Variants in SHISA9 observed in about 807,000 individuals in gnomAD.
SHISA9 encodes protein shisa-9.
SHISA9 carries 13 observed loss-of-function variants against 38.0 expected under a neutral mutation model. That is an observed-to-expected ratio of 0.34 (90% CI 0.22 to 0.54). The LOEUF is 0.54. Ranked by LOEUF, SHISA9 falls within the 20% of genes least tolerant of loss-of-function variation. SHISA9 has a pLI of 0.91. For synonymous variants in SHISA9, 275 were observed against 242.0 expected (o/e 1.14, Z -1.27); for missense variants, 538 against 575.8 (o/e 0.93, Z 0.67).
chr16:13,384,565 A>G, the SHISA9 span, among the ~76,000 whole-genome samples: 3 of 152,190 alleles, frequency 2.0e-5, no homozygotes, highest in East Asian at 3.9e-4. Flanking sequence ...CCAGGAAGCA[A>G]TGGTACTCTG....
chr16:13,048,475 G>T (rs1367723179), intron 2 of SHISA9, among the ~76,000 whole-genome samples: 2 of 152,114 alleles, frequency 1.3e-5, no homozygotes, highest in Non-Finnish European at 2.9e-5. Context: ...AGGCTGGGGT[G>T]CAATGGCATG....
intron 2 of SHISA9, among the ~76,000 whole-genome samples, chr16:13,075,794 C>G (rs1218426449): frequency 2.0e-5 from 3 of 152,140 alleles, no homozygotes; most frequent in Non-Finnish European, 4.4e-5. Context: ...GCTGGTAAGA[C>G]AGAAGCAGGA....
At chr16:13,173,896 T>C (rs1253701698) in intron 2 of SHISA9, among the ~76,000 whole-genome samples, 2 of 152,102 alleles carry the variant, frequency 1.3e-5, no homozygotes, top group Admixed American at 6.6e-5. Flanking sequence ...CTGGAGGAGA[T>C]GATGGCTGAT....
intron 2 of SHISA9, among the ~76,000 whole-genome samples, chr16:13,044,304 G>T (rs894165945): frequency 6.6e-6 from 1 of 152,184 alleles, no homozygotes; most frequent in African/African-American, 2.4e-5. Context: ...ATTCCTCTGT[G>T]GTAGGAAGGA....
At chr16:13,150,319 C>T (rs1191792367) in intron 2 of SHISA9, among the ~76,000 whole-genome samples, 1 of 152,082 alleles carries the variant, frequency 6.6e-6, no homozygotes, top group Non-Finnish European at 1.5e-5. Context: ...AGCTCAAATG[C>T]CACTTGTCAT....
intron 2 of SHISA9, among the ~76,000 whole-genome samples, chr16:13,075,574 A>T (rs145226283): frequency 2.0e-5 from 3 of 152,250 alleles, no homozygotes; most frequent in Admixed American, 2.0e-4. Flanking sequence ...CTGAAAACTC[A>T]ACCTAAGGCT....
chr16:13,095,113 G>A (rs966421381), intron 2 of SHISA9, among the ~76,000 whole-genome samples: 2 of 152,244 alleles, frequency 1.3e-5, no homozygotes, highest in African/African-American at 2.4e-5. Context: ...CTGTGAGAGA[G>A]AAGAAGAGAA....
At chr16:13,265,326 C>G in the SHISA9 span, among the ~76,000 whole-genome samples, 11,051 of 90,194 alleles carry the variant, frequency 0.12, 1,065 homozygotes, top group Non-Finnish European at 0.17. Context: ...TCTTCCATCT[C>G]TTTCCCCTCC....
At chr16:13,042,415 G>C (rs548753339) in intron 2 of SHISA9, among the ~76,000 whole-genome samples, 13 of 152,214 alleles carry the variant, frequency 8.5e-5, no homozygotes, top group African/African-American at 2.9e-4. Flanking sequence ...GCATTGGATG[G>C]GACAAAATAT....
chr16:12,961,491 A>G (rs1011953820), intron 2 of SHISA9, among the ~76,000 whole-genome samples: 2 of 152,116 alleles, frequency 1.3e-5, no homozygotes, highest in African/African-American at 4.8e-5. Flanking sequence ...AATAAACCAT[A>G]TTACCTCCTC....
At chr16:13,338,642 G>A in the SHISA9 span, among the ~76,000 whole-genome samples, 1 of 152,076 alleles carries the variant, frequency 6.6e-6, no homozygotes, top group Admixed American at 6.6e-5. Context: ...GTTGGTTCCA[G>A]GGCAGTAAAG....
the SHISA9 span, among the ~76,000 whole-genome samples, chr16:13,248,272 TC>T: frequency 6.6e-6 from 1 of 152,166 alleles, no homozygotes; most frequent in Admixed American, 6.5e-5. Flanking sequence ...ATTTTGTAAT[TC>T]ATTCAACAAA....
intron 2 of SHISA9, among the ~76,000 whole-genome samples, chr16:13,174,511 C>A (rs2050715018): frequency 1.3e-5 from 2 of 152,176 alleles, no homozygotes; most frequent in African/African-American, 4.8e-5. Context: ...TTAAGGCAGG[C>A]AAACTGGAGA....
At chr16:12,933,224 C>T (rs955890725) in intron 2 of SHISA9, among the ~76,000 whole-genome samples, 1 of 152,036 alleles carries the variant, frequency 6.6e-6, no homozygotes, top group East Asian at 1.9e-4. Context: ...TCGAGTCAGA[C>T]CACCATAAAA....
the SHISA9 span, among the ~76,000 whole-genome samples, chr16:13,483,692 C>G: frequency 6.6e-6 from 1 of 151,946 alleles, no homozygotes; most frequent in Non-Finnish European, 1.5e-5. Flanking sequence ...GAGAGTCCTG[C>G]TTTATATCCT....
chr16:13,524,587 C>CA, the SHISA9 span, among the ~76,000 whole-genome samples: 22 of 152,304 alleles, frequency 1.4e-4, no homozygotes, highest in South Asian at 1.2e-3. Flanking sequence ...TCGAAACAGT[C>CA]TTGCTTTGTC....
the SHISA9 span, among the ~76,000 whole-genome samples, chr16:13,330,096 A>T: frequency 3.3e-5 from 5 of 152,200 alleles, no homozygotes; most frequent in Non-Finnish European, 7.3e-5. Context: ...GTTATCAGTT[A>T]ATGTTTGTTG....
the SHISA9 span, among the ~76,000 whole-genome samples, chr16:13,391,348 A>C: frequency 6.6e-6 from 1 of 152,182 alleles, no homozygotes; most frequent in Non-Finnish European, 1.5e-5. Context: ...TTGTAAGCAA[A>C]ACTGTAGCTC....
chr16:13,302,730 G>C, the SHISA9 span, among the ~76,000 whole-genome samples: 2 of 152,136 alleles, frequency 1.3e-5, no homozygotes, highest in East Asian at 1.9e-4. Flanking sequence ...GACTGATACA[G>C]TTTGACTCTG....
Sources: allele counts gnomAD v4.1 joint callset (sites outside exome capture counted in the v4.1 genomes callset), GRCh38; gene constraint gnomAD v4.1.1; transcripts MANE v1.5; gene names NCBI Gene and HGNC (gene_info 2026-07-23, HGNC 2026-07-21).